Variants in WDR1 observed in about 807,000 individuals in gnomAD.
WDR1 encodes WD repeat domain 1, also known as WD repeat-containing protein 1.
A neutral mutation model predicts 71.9 loss-of-function variants in WDR1; 21 were observed. That is an observed-to-expected ratio of 0.29 (90% confidence interval 0.21 to 0.42). The LOEUF (loss-of-function observed/expected upper bound fraction) is 0.42. Ranked by LOEUF, WDR1 falls within the 10% of genes least tolerant of loss-of-function variation. WDR1 has a pLI of 1.00. For synonymous variants in WDR1, 424 were observed against 347.4 expected (o/e 1.22, Z -2.45); for missense variants, 696 against 824.5 (o/e 0.84, Z 1.91).
chr4:10,102,893 T>C (rs1356922583), intron 3 of WDR1, among the ~76,000 whole-genome samples: 2 of 150,942 alleles, frequency 1.3e-5, no homozygotes, highest in African/African-American at 2.4e-5. Flanking sequence ...CTCCCTGGGC[T>C]GCAGATGGCT....
chr4:10,093,276 C>A, intron 5 of WDR1: 3 of 570,526 alleles, frequency 5.3e-6, no homozygotes, highest in South Asian at 3.6e-5. Context: ...TGTTCACATG[C>A]CTATGAGCTG....
chr4:10,098,597 G>T (rs537399207), intron 4 of WDR1, among the ~76,000 whole-genome samples: 13 of 152,308 alleles, frequency 8.5e-5, no homozygotes, highest in African/African-American at 3.1e-4. Context: ...CCTTGGGGGA[G>T]GTGCCCAGCT....
At chr4:10,093,397 G>A (rs751149832) in intron 5 of WDR1, among the ~76,000 whole-genome samples, 4 of 152,190 alleles carry the variant, frequency 2.6e-5, no homozygotes, top group South Asian at 2.1e-4. Context: ...CCTTTACACC[G>A]TGACCTGCGA....
intron 1 of WDR1, chr4:10,116,446 G>C: frequency 1.3e-6 from 1 of 768,704 alleles, no homozygotes; most frequent in Non-Finnish European, 1.8e-6. Flanking sequence ...CTCCGGCTCG[G>C]CCCACGGCGC....
chr4:10,109,118 G>C (rs891067803), intron 2 of WDR1, among the ~76,000 whole-genome samples: 2 of 152,234 alleles, frequency 1.3e-5, no homozygotes, highest in African/African-American at 2.4e-5. Flanking sequence ...GATTCTCTTT[G>C]AAACCTCACA....
chr4:10,097,789 G>A lies in WDR1; in HGVS notation c.480C>T (p.Tyr160=). 1 of 1,613,792 alleles carries A rather than the reference G, an allele frequency of 6.2e-7. No individual in the cohort carries two copies. Among genetic ancestry groups the A allele is most frequent in the African/African-American group, 1.3e-5 (1 of 74,992 alleles). The change falls in exon 5 of 15, where the codon TAC becomes TAT. Residue 160 remains tyrosine, a synonymous_variant. Transcript: ENST00000499869. ...NSVDIKQSRP[Y]RLATGSDDNC... ...TATCATCGCTTCCCGTGGCCAGCCG[G>A]TATGGCCGGCTCTGCTTGATGTCCA...
At chr4:10,113,381 G>C (rs1394117151) in intron 2 of WDR1, among the ~76,000 whole-genome samples, 2 of 152,132 alleles carry the variant, frequency 1.3e-5, no homozygotes, top group Non-Finnish European at 2.9e-5. Context: ...AAAAACCAAA[G>C]AGAAGACAGG....
intron 1 of WDR1, 31 bp from the exon 2 acceptor site, chr4:10,116,265 C>A (rs1186473191): frequency 6.2e-7 from 1 of 1,612,456 alleles, no homozygotes; most frequent in East Asian, 2.2e-5. Context: ...CGGGGCATGT[C>A]AGGGCAGGGC....
chr4:10,095,700 CAT>C (rs1383049728), intron 5 of WDR1, among the ~76,000 whole-genome samples: 2 of 152,216 alleles, frequency 1.3e-5, no homozygotes, highest in East Asian at 3.9e-4. Flanking sequence ...TGAGTCCGCA[CAT>C]GTCTCCTGAG....
At chr4:10,116,358 C>A in intron 1 of WDR1, 124 bp from the exon 2 acceptor site, 1 of 1,404,608 alleles carries the variant, frequency 7.1e-7, no homozygotes, top group East Asian at 2.4e-5. Context: ...AGGGCGGCCT[C>A]CACTTTCCAC....
chr4:10,092,528 G>A (rs1712060007), intron 5 of WDR1: 9 of 156,782 alleles, frequency 5.7e-5, no homozygotes, highest in South Asian at 3.8e-4. Flanking sequence ...GTCCCTCCCT[G>A]GCCCCAGAAC....
In WDR1 at chr4:10,083,124, G is replaced by A. The variant is rs748707370; in HGVS notation, c.1094C>T (p.Thr365Met). Reference sequence around the variant, plus strand: ...CACGGTCATCCTGGACACCTGGTTCGTGTGGCCTTTCCCAGCGAAGGAGTC... The same window carrying A: ...CACGGTCATCCTGGACACCTGGTTCATGTGGCCTTTCCCAGCGAAGGAGTC... ...ENDSFAGKGHTNQVSRMTVDE... is the reference protein window; with the variant it reads ...ENDSFAGKGHMNQVSRMTVDE... Residue 365 changes from threonine to methionine, a missense_variant, in exon 10 of 15, where the codon ACG becomes ATG. By Grantham distance (81) the Thr-to-Met change is moderately conservative (BLOSUM62 -1). Coordinates refer to ENST00000499869, the MANE Select transcript of WDR1 (RefSeq NM_017491.5). 16 of 1,613,850 alleles carry A rather than the reference G, an allele frequency of 9.9e-6. No individual in the cohort carries two copies. Among genetic ancestry groups the A allele is most frequent in the African/African-American group, 8.0e-5 (6 of 74,932 alleles).
rs572062511 is a variant in WDR1 at position 10,084,311 on chromosome 4, C to T, written c.1039+132G>A. ...AGACAGGCCACCCCTAGAAGCCACA[C>T]GGGTCAGAAGAGCGTGTGGCTGTGG... On this transcript the variant is annotated intron_variant, in intron 9 of 14. Coordinates refer to ENST00000499869, the MANE Select transcript of WDR1 (RefSeq NM_017491.5). The T allele has an allele frequency of 1.8e-4, 139 of 766,514 alleles. 1 individual carries two copies. Among genetic ancestry groups the T allele is most frequent in the South Asian group, 1.4e-3 (91 of 63,074 alleles). 47.5% of individuals were successfully genotyped at this position (766,514 alleles called of 1,614,324 possible). A position where few individuals can be genotyped will look rare whatever the true frequency, so the allele number is the denominator to read the frequency against.
At chr4:10,101,486 A>G (rs1033890841) in intron 3 of WDR1, among the ~76,000 whole-genome samples, 13 of 152,306 alleles carry the variant, frequency 8.5e-5, no homozygotes, top group African/African-American at 4.8e-5. Context: ...CGCTCTATTC[A>G]AAGAAATGTA....
At chr4:10,105,020 G>C (rs1020378487) in intron 2 of WDR1, among the ~76,000 whole-genome samples, 19 of 151,856 alleles carry the variant, frequency 1.3e-4, no homozygotes, top group Non-Finnish European at 2.4e-4. Flanking sequence ...CCTGATTCCT[G>C]CCCACCTTCT....
chr4:10,092,090 T>C (rs3796821), intron 5 of WDR1: 96,782 of 152,262 alleles, frequency 0.64, 32,035 homozygotes, highest in Middle Eastern at 0.77. Flanking sequence ...CAGCACAGCC[T>C]CGCCTTGCCG....
intron 5 of WDR1, among the ~76,000 whole-genome samples, chr4:10,090,062 T>A (rs916765246): frequency 3.3e-5 from 5 of 152,104 alleles, no homozygotes; most frequent in Admixed American, 6.5e-5. Context: ...AGATGGGAGT[T>A]CTGCTCACAA....
intron 2 of WDR1, among the ~76,000 whole-genome samples, chr4:10,113,136 A>C (rs933913075): frequency 5.9e-5 from 9 of 152,208 alleles, no homozygotes; most frequent in Admixed American, 4.6e-4. Context: ...GAGCGAGCAG[A>C]TCACTTGAGG....
At chr4:10,079,100 G>A (rs1438573824) in intron 11 of WDR1, 99 bp from the exon 12 acceptor site, 4 of 989,614 alleles carry the variant, frequency 4.0e-6, no homozygotes, top group Non-Finnish European at 4.4e-6. Context: ...CACTGGAGCT[G>A]GGTTTGGCTC....
Sources: allele counts gnomAD v4.1 joint callset (sites outside exome capture counted in the v4.1 genomes callset), GRCh38; gene constraint gnomAD v4.1.1; transcripts MANE v1.5; gene names NCBI Gene and HGNC (gene_info 2026-07-23, HGNC 2026-07-21).